P2RY8: variants seen among roughly 807,000 people sequenced by gnomAD.
P2RY8 encodes the protein P2Y receptor family member 8, also known as S-geranylgeranyl-glutathione receptor P2RY8.
In P2RY8, 6 loss-of-function variants were observed where a neutral mutation model predicts 10.0. The ratio of observed to expected loss-of-function variants is 0.60; its 90% CI spans 0.33 to 1.19. The LOEUF (loss-of-function observed/expected upper bound fraction) is 1.19, where lower values mean the gene tolerates loss of function less well. Among genes scored for constraint, P2RY8 ranks in the 50% most tolerant of loss-of-function variants. The pLI is 0.04. For missense variants in P2RY8, 456 were observed against 542.0 expected, an observed-to-expected ratio of 0.84 and a Z score of 1.58; for synonymous variants, 276 against 252.5, an observed-to-expected ratio of 1.09 and a Z score of -0.88.
In P2RY8 at chrX:1,465,154, A is replaced by G. The variant is rs2091645743; in HGVS notation, c.*325T>C. On this transcript the variant is annotated 3_prime_UTR_variant, in exon 2 of 2. Transcript: ENST00000381297. ...GGGTGACAGCCCAGCTCTACTAAAAAAAATACAAAAATTAGCCGGGCGTGG... is the reference window on the plus strand; with the variant it reads ...GGGTGACAGCCCAGCTCTACTAAAAGAAATACAAAAATTAGCCGGGCGTGG... 4.6e-6 allele frequency: 2 copies of G among 430,236 alleles called. No individual in the cohort carries two copies. Among genetic ancestry groups the G allele is most frequent in the African/African-American group, 2.0e-5 (1 of 50,544 alleles). The allele number at this position is 430,236 out of a possible 1,614,324, so 26.7% of individuals were successfully genotyped here.
Position 1,466,354 on chromosome X carries a change from C to T in P2RY8, c.205G>A (p.Asp69Asn). 1 of 1,613,844 alleles carries T rather than the reference C, an allele frequency of 6.2e-7. No homozygotes were observed. Among genetic ancestry groups the T allele is most frequent in the Non-Finnish European group, 8.5e-7 (1 of 1,179,874 alleles). ...VIFMINLSVT[D>N]LMLASVLPFQ... ...GGCAACACGCTGGCCAGCATCAGGT[C>T]CGTGACGCTCAGGTTGATCATGAAG... is the stretch of plus-strand genomic sequence containing the variant. The change falls in exon 2 of 2, where the codon GAC (aspartate) becomes AAC (asparagine). Residue 69 changes from aspartate to asparagine, a missense_variant. By Grantham distance (23) the Asp-to-Asn change is conservative. Coordinates refer to ENST00000381297, the MANE Select transcript of P2RY8 (RefSeq NM_178129.5).
At chrX:1,516,128 C>T (rs1323362772) in intron 1 of P2RY8, among the ~76,000 whole-genome samples, 11 of 150,798 alleles carry the variant, frequency 7.3e-5, no homozygotes, top group African/African-American at 2.4e-4. Context: ...ACCTGGGAGG[C>T]GGAGGTTGCA....
At chrX:1,530,996 T>TTATG (rs1233154953) in intron 1 of P2RY8, among the ~76,000 whole-genome samples, 64 of 152,150 alleles carry the variant, frequency 4.2e-4, no homozygotes, top group African/African-American at 1.2e-3. Context: ...CCTATCTAAT[T>TTATG]TATGTATGTA....
intron 1 of P2RY8, among the ~76,000 whole-genome samples, chrX:1,478,729 C>T (rs1381576116): frequency 5.3e-5 from 8 of 152,088 alleles, no homozygotes; most frequent in South Asian, 2.1e-4. Flanking sequence ...CCACCCACCT[C>T]GGCCTCCCAA....
chrX:1,513,119 G>A (rs2092311922), intron 1 of P2RY8, among the ~76,000 whole-genome samples: 2 of 151,236 alleles, frequency 1.3e-5, no homozygotes, highest in Admixed American at 6.6e-5. Context: ...AGAACATGCG[G>A]CATTTCATTT....
chrX:1,475,310 G>A (rs2091863242), intron 1 of P2RY8, among the ~76,000 whole-genome samples: 1 of 151,890 alleles, frequency 6.6e-6, no homozygotes, highest in Non-Finnish European at 1.5e-5. Flanking sequence ...TGGGTGGATG[G>A]ATGAATAGAT....
In P2RY8 at chrX:1,463,127, G is replaced by A. The variant is rs1450716831; in HGVS notation, c.*2352C>T. 14 of 232,976 alleles carry A rather than the reference G, an allele frequency of 6.0e-5. No individual in the cohort carries two copies. The highest frequency in any genetic ancestry group is 2.2e-4 in the African/African-American group (10 of 45,282). 14.4% of individuals were successfully genotyped at this position (232,976 alleles called of 1,614,324 possible). A position where few individuals can be genotyped will look rare whatever the true frequency, so the allele number is the denominator to read the frequency against. ...TTGTTTACAAGGCAGTTTAGGGATC[G>A]TCCGTGCGTTACTGTGAAGATGCTA... On this transcript the variant is annotated 3_prime_UTR_variant, in exon 2 of 2. Transcript: ENST00000381297.
intron 1 of P2RY8, among the ~76,000 whole-genome samples, chrX:1,500,649 T>A (rs1219706135): frequency 2.6e-5 from 4 of 152,092 alleles, no homozygotes; most frequent in Non-Finnish European, 5.9e-5. Flanking sequence ...TTCTACTAAA[T>A]GTTGGCCAGG....
chrX:1,499,865 GT>G (rs2092157313), intron 1 of P2RY8, among the ~76,000 whole-genome samples: 1 of 139,732 alleles, frequency 7.2e-6, no homozygotes, highest in Non-Finnish European at 1.6e-5. Context: ...GTTTTGTTTT[GT>G]TTTTCTTTTT....
At chrX:1,503,313 C>T (rs750646061) in intron 1 of P2RY8, among the ~76,000 whole-genome samples, 2 of 152,290 alleles carry the variant, frequency 1.3e-5, no homozygotes, top group South Asian at 2.1e-4. Flanking sequence ...TTCCTGTTGT[C>T]GAACTCCCCA....
chrX:1,524,669 T>TCATCCATC (rs1208902272), intron 1 of P2RY8, among the ~76,000 whole-genome samples: 17,670 of 50,842 alleles, frequency 0.35, 5,549 homozygotes, highest in East Asian at 0.65. Flanking sequence ...ATCCATCCAT[T>TCATCCATC]CATCCATCCA....
chrX:1,496,506 T>G (rs1323993898), intron 1 of P2RY8, among the ~76,000 whole-genome samples: 1 of 152,018 alleles, frequency 6.6e-6, no homozygotes, highest in African/African-American at 2.4e-5. Flanking sequence ...AGGAAGCAAC[T>G]TGTCTGCAGT....
intron 1 of P2RY8, among the ~76,000 whole-genome samples, chrX:1,511,315 G>A (rs1239175418): frequency 1.3e-5 from 2 of 152,222 alleles, no homozygotes; most frequent in African/African-American, 2.4e-5. Flanking sequence ...CTGTATCCAC[G>A]TGTCAGGATG....
chrX:1,492,888 C>G (rs1238237116), intron 1 of P2RY8, among the ~76,000 whole-genome samples: 1 of 152,046 alleles, frequency 6.6e-6, no homozygotes, highest in East Asian at 1.9e-4. Flanking sequence ...ACGAGCAGCA[C>G]TCAGCGCCCA....
chrX:1,492,617 A>G (rs182612148), intron 1 of P2RY8, among the ~76,000 whole-genome samples: 29 of 152,218 alleles, frequency 1.9e-4, no homozygotes, highest in South Asian at 4.1e-4. Flanking sequence ...CCCCATAGAA[A>G]TCCTAATTAT....
At position 1,521,674 on chromosome X, in the gene P2RY8, G is replaced by A. The variant is rs186461569; in HGVS notation, c.-25+15247C>T. On this transcript the variant is annotated intron_variant, in intron 1 of 1. Coordinates refer to ENST00000381297, the MANE Select transcript of P2RY8 (RefSeq NM_178129.5). ...GTCATTTGCATGAGTGCTTAGAAACGGCAAAGGAAGGTGTGTTTACTTAGA... is the reference window on the plus strand; with the variant it reads ...GTCATTTGCATGAGTGCTTAGAAACAGCAAAGGAAGGTGTGTTTACTTAGA... Among the ~76,000 whole-genome samples, 6 of 152,162 alleles carry A rather than the reference G, an allele frequency of 3.9e-5. No individual in the cohort carries two copies. In the East Asian group the frequency reaches 7.7e-4, roughly 20 times the overall value.
At chrX:1,493,640 T>A (rs2149393346) in intron 1 of P2RY8, among the ~76,000 whole-genome samples, 1 of 152,204 alleles carries the variant, frequency 6.6e-6, no homozygotes, top group South Asian at 2.1e-4. Flanking sequence ...GAAGAAGATT[T>A]CTGGGAGAGC....
chrX:1,470,997 T>C lies in P2RY8; in HGVS notation c.-24-4415A>G, dbSNP rs189913323. Among the ~76,000 whole-genome samples the C allele has an allele frequency of 4.2e-3, 641 of 150,832 alleles. 10 individuals are homozygous for C. Among genetic ancestry groups the C allele is most frequent in the African/African-American group, 0.015 (626 of 41,020 alleles). ...GGCTACAGGAACCTGCCACCACGCC[T>C]GGCTAATTTTTTTGTAATTTTTTTT... On this transcript the variant is annotated intron_variant, in intron 1 of 1. Coordinates refer to ENST00000381297, the MANE Select transcript of P2RY8 (RefSeq NM_178129.5).
In P2RY8 at chrX:1,465,848, G is replaced by A. The variant is rs1478211286; in HGVS notation, c.711C>T (p.Gly237=). The A allele has an allele frequency of 4.3e-6, 7 of 1,612,524 alleles. No homozygotes were observed. The Admixed American group carries it at 5.0e-5, about 12-fold the overall frequency. Residue 237 remains glycine, a synonymous_variant, in exon 2 of 2, where the codon GGC becomes GGT. Transcript: ENST00000381297. ...AGGCCAGCAAGACCACCGCGGCCAGGCCCACCGCGCGCCTCCGCTGCTCCC... is the reference window on the plus strand; with the variant it reads ...AGGCCAGCAAGACCACCGCGGCCAGACCCACCGCGCGCCTCCGCTGCTCCC... ...HGREQRRRAV[G]LAAVVLLAFV...
Sources: allele counts gnomAD v4.1 joint callset (sites outside exome capture counted in the v4.1 genomes callset), GRCh38; gene constraint gnomAD v4.1.1; transcripts MANE v1.5; gene names NCBI Gene and HGNC (gene_info 2026-07-23, HGNC 2026-07-21).